The following TBC1D9B variants were observed in gnomAD, a reference collection of about 807,000 sequenced individuals.
TBC1D9B encodes the protein TBC1 domain family, member 9B (with GRAM domain).
In TBC1D9B, 87 loss-of-function variants were observed where a neutral mutation model predicts 121.1. That is an observed-to-expected ratio of 0.72 (90% CI 0.60 to 0.86). The LOEUF is 0.86. Ranked by LOEUF, TBC1D9B falls within the 40% of genes least tolerant of loss-of-function variation. The pLI, the probability that TBC1D9B is intolerant of heterozygous loss-of-function variation, is 0.00. For missense variants in TBC1D9B, 1,540 were observed against 1,628.6 expected, an observed-to-expected ratio of 0.95 and a Z score of 0.94; for synonymous variants, 668 against 670.1, an observed-to-expected ratio of 1.00 and a Z score of 0.05.
At position 179,899,289 on chromosome 5, in the gene TBC1D9B, A is replaced by G. The variant is rs1761105956; in HGVS notation, c.248T>C (p.Ile83Thr). ...TVACGSSRKE[I>T]TKHWEWLENN... is the part of the protein sequence containing the mutation. ...TTCCAGCCATTCCCAGTGTTTTGTG[A>G]TCTCTTTGCGGGAAGAACCTAGAAG... Residue 83 changes from isoleucine (I) to threonine (T), a missense_variant, in exon 3 of 21, where the codon ATC becomes ACC. Physicochemically the swap from Ile to Thr is moderately conservative, Grantham distance 89 (BLOSUM62 -1). Coordinates refer to ENST00000355235, the MANE Select transcript of TBC1D9B (RefSeq NM_015043.4). 1.9e-6 allele frequency: 3 copies of G among 1,613,750 alleles called. No individual in the cohort carries two copies. The African/African-American group carries it at 4.0e-5, about 22-fold the overall frequency.
At chr5:179,878,619 A>C in intron 9 of TBC1D9B, 96 bp from the exon 10 acceptor site, 1 of 1,221,266 alleles carries the variant, frequency 8.2e-7, no homozygotes, top group Non-Finnish European at 1.2e-6. Context: ...CCCACAGAGG[A>C]GAGGTGGGAC....
intron 15 of TBC1D9B, chr5:179,870,801 T>C: frequency 2.5e-6 from 1 of 393,802 alleles, no homozygotes. Context: ...ACAAGAGGCC[T>C]GAGGCTTGCT....
rs1390207108 is a variant in TBC1D9B at position 179,862,804 on chromosome 5, A to T, written c.*644T>A. ...TGTAATTTCTAGCCAAGTGAAATGA[A>T]TCCAAGGAAATATATCAGGACCTGA... On this transcript the variant is annotated 3_prime_UTR_variant, in exon 21 of 21. Transcript: ENST00000355235. The T allele has an allele frequency of 2.9e-6, 1 of 339,646 alleles. No individual in the cohort carries two copies. Among genetic ancestry groups the T allele is most frequent in the Non-Finnish European group, 6.0e-6 (1 of 166,904 alleles). The allele number at this position is 339,646 out of a possible 1,614,324, so 21.0% of individuals were successfully genotyped here.
At position 179,863,796 on chromosome 5, in the gene TBC1D9B, T is replaced by G; in HGVS notation, c.3354A>C (p.Gly1118=). ...QVVVEGGSGE[G]QGSPSQLLSD... is the part of the protein sequence containing the mutation. ...ACAGCAGCTGGGAGGGTGAGCCCTG[T>G]CCCTCGCCGCTGCCCCCCTCCACCA... Residue 1118 remains glycine, a synonymous_variant, in exon 21 of 21, where the codon GGA becomes GGC. Transcript: ENST00000355235. The surrounding 1 kb of genome is among the most constrained non-coding windows in gnomAD (Gnocchi z 4.5). 1 of 1,613,652 alleles carries G rather than the reference T, an allele frequency of 6.2e-7. No homozygotes were observed. Among genetic ancestry groups the G allele is most frequent in the Non-Finnish European group, 8.5e-7 (1 of 1,179,970 alleles).
intron 2 of TBC1D9B, among the ~76,000 whole-genome samples, chr5:179,899,800 G>T (rs563485929): frequency 6.6e-6 from 1 of 152,306 alleles, no homozygotes; most frequent in South Asian, 2.1e-4. Flanking sequence ...CCCCTGGCCA[G>T]CGAGGCTCCT....
At chr5:179,876,128 G>T in intron 10 of TBC1D9B, 91 bp from the exon 11 acceptor site, 1 of 930,984 alleles carries the variant, frequency 1.1e-6, no homozygotes, top group Non-Finnish European at 1.6e-6. Flanking sequence ...ACCCCTCCCT[G>T]CAAGGGCCCA....
In TBC1D9B at chr5:179,870,433, G is replaced by C. The variant is rs1391937027; in HGVS notation, c.2547C>G (p.Pro849=). Residue 849 remains proline, a synonymous_variant, in exon 16 of 21, where the codon CCC becomes CCG. Transcript: ENST00000355235. ...GGTACTGCTCCAGGTAGGGCAGGCT[G>C]GGGTCCCGACGGCCGGCCATTGTGC... The part of the protein sequence containing the change: ...CSRTMAGRRD[P]SLPYLEQYRI... 1.2e-6 allele frequency: 2 copies of C among 1,613,386 alleles called. No individual in the cohort carries two copies. The highest frequency in any genetic ancestry group is 3.3e-5 in the Admixed American group (2 of 60,028).
At chr5:179,876,253 A>T (rs1739975621) in intron 10 of TBC1D9B, among the ~76,000 whole-genome samples, 1 of 152,210 alleles carries the variant, frequency 6.6e-6, no homozygotes, top group South Asian at 2.1e-4. Context: ...GGCATCCGGT[A>T]ATGAGAAACT....
intron 18 of TBC1D9B, 124 bp downstream of exon 18, chr5:179,867,654 A>G: frequency 6.6e-7 from 1 of 1,507,150 alleles, no homozygotes; most frequent in Non-Finnish European, 9.1e-7. Context: ...CCCTGGGGAG[A>G]ACCCCATGCG....
rs928062518 is a variant in TBC1D9B at position 179,864,670 on chromosome 5, T to A, written c.3022-542A>T. ...CCTGGCCCAAGAATGGGAAGAATCC[T>A]CATCGCACGTGGTGCCCACCCTCCA... On this transcript the variant is annotated intron_variant, in intron 20 of 20. Coordinates refer to ENST00000355235, the MANE Select transcript of TBC1D9B (RefSeq NM_015043.4). 7.9e-5 allele frequency among the ~76,000 whole-genome samples: 12 copies of A among 152,258 alleles called. No individual in the cohort carries two copies. In the South Asian group the frequency reaches 2.3e-3, roughly 29 times the overall value.
At chr5:179,892,531 C>A (rs966210928) in intron 5 of TBC1D9B, among the ~76,000 whole-genome samples, 2 of 152,234 alleles carry the variant, frequency 1.3e-5, no homozygotes, top group African/African-American at 2.4e-5. Context: ...AACCTAGGAA[C>A]CCAAACGTTA....
rs138816990 is a variant in TBC1D9B, at chr5:179,879,694, G to A, written c.1350C>T (p.Thr450=). Residue 450 remains threonine, a synonymous_variant, in exon 8 of 21, where the codon ACC becomes ACT. Transcript: ENST00000355235. Reference sequence around the variant, plus strand: ...AGAGCTTCAGCAGGCCCTGGGATGCGGTTGGCGCCTCCTGCGCACAGAAGC... The same window carrying A: ...AGAGCTTCAGCAGGCCCTGGGATGCAGTTGGCGCCTCCTGCGCACAGAAGC... ...RQSFCAQEAP[T]ASQGLLKLFQ... 3.0e-5 allele frequency: 49 copies of A among 1,614,078 alleles called. No homozygotes were observed. The highest frequency in any genetic ancestry group is 5.3e-5 in the African/African-American group (4 of 74,956).
At position 179,902,342 on chromosome 5, in the gene TBC1D9B, G is replaced by C. The variant is rs568192346; in HGVS notation, c.229+2360C>G. The stretch of plus-strand genomic sequence containing the variant: ...TGAAGGCCAGGCTGTGAGCTGGGGA[G>C]ACAAGGCCAGAAATGGAGGCAGGCA... On this transcript the variant is annotated intron_variant, in intron 2 of 20. Transcript: ENST00000355235. The surrounding 1 kb of genome is among the most constrained non-coding windows in gnomAD (Gnocchi z 4.9). Among the ~76,000 whole-genome samples the C allele has an allele frequency of 1.3e-5, 2 of 152,356 alleles. No homozygotes were observed. The highest frequency in any genetic ancestry group is 2.9e-5 in the Non-Finnish European group (2 of 68,020).
At chr5:179,876,074 T>C in intron 10 of TBC1D9B, 37 bp from the exon 11 acceptor site, 1 of 1,574,528 alleles carries the variant, frequency 6.4e-7, no homozygotes, top group African/African-American at 1.4e-5. Context: ...AGGCTTGCAC[T>C]GCTGGCCAGC....
chr5:179,888,902 G>T (rs1321110035), intron 6 of TBC1D9B, among the ~76,000 whole-genome samples: 1 of 152,198 alleles, frequency 6.6e-6, no homozygotes, highest in East Asian at 1.9e-4. Flanking sequence ...GTCCAGCCAG[G>T]TGAGTGCTGG....
intron 3 of TBC1D9B, among the ~76,000 whole-genome samples, chr5:179,895,727 C>A (rs1760999658): frequency 6.6e-6 from 1 of 152,216 alleles, no homozygotes; most frequent in African/African-American, 2.4e-5. Context: ...GTGCTGGTGG[C>A]TGGGCCACCC....
Position 179,867,864 on chromosome 5 carries a change from A to C in TBC1D9B, c.2792-15T>G. 1 of 1,508,412 alleles carries C rather than the reference A, an allele frequency of 6.6e-7. No individual in the cohort carries two copies. The allele number at this position is 1,508,412 out of a possible 1,614,324, so 93.4% of individuals were successfully genotyped here. On this transcript the variant is annotated splice_polypyrimidine_tract_variant and intron_variant, in intron 17 of 20. Coordinates refer to ENST00000355235, the MANE Select transcript of TBC1D9B (RefSeq NM_015043.4). ...TGGGCTCAGAGCTGTGCTTGGAGAG[A>C]AGGCAGAGTGAGGGCAGGAGGAAAC...
chr5:179,868,653 T>TAGAGCAAG (rs1396378092), intron 17 of TBC1D9B: 1 of 152,258 alleles, frequency 6.6e-6, no homozygotes, highest in African/African-American at 2.4e-5. Flanking sequence ...CTGCTCTCCC[T>TAGAGCAAG]TTGGGTAGCT....
Position 179,891,391 on chromosome 5 carries a change from TATG to T in TBC1D9B, c.1029_1031del (p.Ile344del). ...AGGGGATGCTGACCTCCCTCAGGGG[TATG>T]ATGAGGTGGCAAGCGTCCTCCTCCT... On this transcript the variant is annotated inframe_deletion, in exon 6 of 21. Transcript: ENST00000355235. This position sits in a 1 kb window ranked among gnomAD's most constrained non-coding sequence, Gnocchi z 4.3. 1 of 1,614,052 alleles carries T rather than the reference TATG, an allele frequency of 6.2e-7. No homozygotes were observed. Among genetic ancestry groups the T allele is most frequent in the Non-Finnish European group, 8.5e-7 (1 of 1,180,002 alleles).
Sources: gnomAD v4.1 joint callset for allele counts (sites outside exome capture counted in the v4.1 genomes callset) on GRCh38, gnomAD v4.1.1 for gene constraint, Gnocchi (gnomAD v3.1) non-coding constraint, MANE v1.5 for transcripts, NCBI Gene and HGNC (gene_info 2026-07-23, HGNC 2026-07-21) for gene names.